The following PDCD6IP variants were observed in gnomAD, a reference collection of about 807,000 sequenced individuals.
The protein encoded by PDCD6IP is programmed cell death 6 interacting protein, also known as programmed cell death 6-interacting protein.
In PDCD6IP, 43 loss-of-function variants were observed where a neutral mutation model predicts 103.7. The ratio of observed to expected loss-of-function variants is 0.41; its 90% CI spans 0.32 to 0.53. The LOEUF (loss-of-function observed/expected upper bound fraction) is 0.53, where lower values mean the gene tolerates loss of function less well. Ranked by LOEUF, PDCD6IP falls within the 20% of genes least tolerant of loss-of-function variation. The pLI is 0.16. For synonymous variants in PDCD6IP, 354 were observed against 378.7 expected (o/e 0.93, Z 0.76); for missense variants, 871 against 1,036.7 (o/e 0.84, Z 2.20).
intron 3 of PDCD6IP, among the ~76,000 whole-genome samples, chr3:33,818,097 G>GTTTTTTTTTT (rs756780125): frequency 1.5e-5 from 1 of 68,086 alleles, no homozygotes; most frequent in Non-Finnish European, 2.5e-5. Flanking sequence ...TTTCATTCTT[G>GTTTTTTTTTT]TTTTTTTTTT....
intron 1 of PDCD6IP, among the ~76,000 whole-genome samples, chr3:33,802,598 T>A (rs1696502137): frequency 6.6e-6 from 1 of 151,908 alleles, no homozygotes; most frequent in Admixed American, 6.6e-5. Context: ...CAAACGATTC[T>A]CCTGCCTCAG....
intron 1 of PDCD6IP, among the ~76,000 whole-genome samples, chr3:33,811,664 A>T (rs1420989364): frequency 6.6e-6 from 1 of 152,078 alleles, no homozygotes; most frequent in African/African-American, 2.4e-5. Flanking sequence ...AGTGCTGGAG[A>T]CAGATAGAGA....
chr3:33,840,148 A>ACAT (rs60185322), intron 9 of PDCD6IP, among the ~76,000 whole-genome samples: 1 of 151,924 alleles, frequency 6.6e-6, no homozygotes, highest in African/African-American at 2.4e-5. Context: ...CTTACCGATA[A>ACAT]ACAGTCAATT....
chr3:33,814,670 T>C (rs529611441), intron 3 of PDCD6IP, among the ~76,000 whole-genome samples: 4 of 138,872 alleles, frequency 2.9e-5, no homozygotes, highest in East Asian at 4.4e-4. Context: ...TGCATGTATG[T>C]ATATATGTGT....
rs1559802984 is a variant in PDCD6IP at position 33,868,046 on chromosome 3, C to T, written c.*1521C>T. 6.6e-6 allele frequency: 1 copy of T among 152,040 alleles called. No individual in the cohort carries two copies. The highest frequency in any genetic ancestry group is 1.5e-5 in the Non-Finnish European group (1 of 68,010). 9.4% of individuals were successfully genotyped at this position (152,040 alleles called of 1,614,324 possible). ...GGCATGTTAATTCAATATAAATGAC[C>T]TTTGATTTCATGGAATATTAAAGTT... On this transcript the variant is annotated 3_prime_UTR_variant, in exon 18 of 18. Transcript: ENST00000307296.
rs1697871191 is a variant in PDCD6IP at position 33,858,203 on chromosome 3, A to G, written c.2120+2943A>G. Among the ~76,000 whole-genome samples the G allele has an allele frequency of 3.9e-5, 6 of 152,240 alleles. No individual in the cohort carries two copies. In the South Asian group the frequency reaches 1.2e-3, roughly 31 times the overall value. On this transcript the variant is annotated intron_variant, in intron 15 of 17. Transcript: ENST00000307296. ...CAACAAAAAGGATAAAATATAAAAT[A>G]TAAGTTTGTCATATATGAGACCTAT...
intron 7 of PDCD6IP, 72 bp downstream of exon 7, chr3:33,829,041 A>T: frequency 7.6e-7 from 1 of 1,317,520 alleles, no homozygotes; most frequent in Non-Finnish European, 1.0e-6. Context: ...GAGATTTCCA[A>T]GTTTGCCCAT....
chr3:33,808,885 C>T (rs540542946), intron 1 of PDCD6IP, among the ~76,000 whole-genome samples: 14 of 152,192 alleles, frequency 9.2e-5, no homozygotes, highest in Non-Finnish European at 1.9e-4. Context: ...CCCTTGCTCA[C>T]TCTATGATCA....
At chr3:33,838,834 T>C (rs1330088891) in intron 9 of PDCD6IP, among the ~76,000 whole-genome samples, 2 of 151,914 alleles carry the variant, frequency 1.3e-5, no homozygotes, top group Admixed American at 6.6e-5. Flanking sequence ...CAGGGTCTTA[T>C]TGTCACCAGG....
chr3:33,837,590 ATTT>A (rs1329273725), intron 8 of PDCD6IP, among the ~76,000 whole-genome samples: 2 of 141,622 alleles, frequency 1.4e-5, no homozygotes, highest in Admixed American at 7.1e-5. Context: ...CACTCAGTCA[ATTT>A]TTTTTTTTTT....
intron 7 of PDCD6IP, among the ~76,000 whole-genome samples, chr3:33,829,448 C>G (rs1382148966): frequency 6.6e-6 from 1 of 151,990 alleles, no homozygotes; most frequent in Non-Finnish European, 1.5e-5. Context: ...GCATATACTT[C>G]CACAACTTGA....
chr3:33,799,185 C>CAGAT (rs776197750), intron 1 of PDCD6IP: 2 of 558,788 alleles, frequency 3.6e-6, no homozygotes, highest in Non-Finnish European at 6.4e-6. Context: ...CTCCGTGGAT[C>CAGAT]AGATACCTGG....
intron 3 of PDCD6IP, among the ~76,000 whole-genome samples, chr3:33,821,628 A>T (rs1225448853): frequency 6.6e-6 from 1 of 152,206 alleles, no homozygotes; most frequent in Admixed American, 6.5e-5. Context: ...GAAATAATTT[A>T]TTCAAATTTA....
rs768111776 is a variant in PDCD6IP, at chr3:33,798,646, C to T, written c.-83C>T. 5.9e-5 allele frequency: 76 copies of T among 1,286,326 alleles called. No homozygotes were observed. Among genetic ancestry groups the T allele is most frequent in the South Asian group, 5.7e-4 (35 of 61,082 alleles). The allele number at this position is 1,286,326 out of a possible 1,614,324, so 79.7% of individuals were successfully genotyped here. A position where few individuals can be genotyped will look rare whatever the true frequency, so the allele number is the denominator to read the frequency against. ...CTGTCAGCCAGTCAGTCCGCCAGTC[C>T]GCCAGCCCAGTACCTCTCTCTCCTC... On this transcript the variant is annotated 5_prime_UTR_variant, in exon 1 of 18. Transcript: ENST00000307296.
chr3:33,803,254 C>T (rs1427744455), intron 1 of PDCD6IP, among the ~76,000 whole-genome samples: 1 of 152,196 alleles, frequency 6.6e-6, no homozygotes, highest in Admixed American at 6.5e-5. Context: ...AATTTACATT[C>T]TCATCAGCAG....
chr3:33,825,139 T>G, intron 4 of PDCD6IP, 48 bp from the exon 5 acceptor site: 1 of 1,511,556 alleles, frequency 6.6e-7, no homozygotes, highest in Non-Finnish European at 9.0e-7. Flanking sequence ...CAGTAGGAAA[T>G]TAAGTCTTGC....
At chr3:33,845,304 G>A (rs1407866499) in intron 11 of PDCD6IP, 115 bp from the exon 12 acceptor site, 2 of 620,656 alleles carry the variant, frequency 3.2e-6, no homozygotes, top group Non-Finnish European at 5.5e-6. Context: ...GTGAATTGGG[G>A]TCTATAGAAG....
rs370893220 is a variant in PDCD6IP at position 33,866,574 on chromosome 3, C to T, written c.*49C>T. The T allele has an allele frequency of 6.3e-5, 90 of 1,435,172 alleles. No individual in the cohort carries two copies. Among genetic ancestry groups the T allele is most frequent in the Non-Finnish European group, 8.2e-5 (87 of 1,055,932 alleles). 88.9% of individuals were successfully genotyped at this position (1,435,172 alleles called of 1,614,324 possible). A position where few individuals can be genotyped will look rare whatever the true frequency, so the allele number is the denominator to read the frequency against. On this transcript the variant is annotated 3_prime_UTR_variant, in exon 18 of 18. Transcript: ENST00000307296. ...GATTCAGATCAGAGGGAAAGAAATA[C>T]CAACCCTGCAATAAGTGTACTAAAC...
At chr3:33,855,073 T>C in intron 14 of PDCD6IP, 93 bp from the exon 15 acceptor site, 2 of 735,638 alleles carry the variant, frequency 2.7e-6, no homozygotes, top group Non-Finnish European at 4.8e-6. Flanking sequence ...TCTTCGGCTC[T>C]AACTATCATT....
Sources: gnomAD v4.1 joint callset for allele counts (sites outside exome capture counted in the v4.1 genomes callset) on GRCh38, gnomAD v4.1.1 for gene constraint, MANE v1.5 for transcripts, NCBI Gene and HGNC (gene_info 2026-07-23, HGNC 2026-07-21) for gene names.